The following MEFV variants were observed in gnomAD, a reference collection of about 807,000 sequenced individuals.
The protein encoded by MEFV is pyrin.
A neutral mutation model predicts 62.5 loss-of-function variants in MEFV; 60 were observed. That is an observed-to-expected ratio of 0.96 (90% CI 0.78 to 1.19). The LOEUF (loss-of-function observed/expected upper bound fraction) is 1.19, where lower values mean the gene tolerates loss of function less well. Among genes scored for constraint, MEFV ranks in the 50% most tolerant of loss-of-function variants. The pLI is 0.00. For synonymous variants in MEFV, 500 were observed against 415.2 expected (o/e 1.20, Z -2.48); for missense variants, 1,169 against 1,004.5 (o/e 1.16, Z -2.21).
Position 3,242,812 on chromosome 16 carries a change from C to T in MEFV, c.*329G>A, listed in dbSNP as rs1490813343. Reference sequence around the variant, plus strand: ...AGAACAAGGGGACATATATCCTTGCCGTGGGGTTCTGAGGGAAAATGAGGG... The same window carrying T: ...AGAACAAGGGGACATATATCCTTGCTGTGGGGTTCTGAGGGAAAATGAGGG... On this transcript the variant is annotated 3_prime_UTR_variant, in exon 10 of 10. Transcript: ENST00000219596. The T allele has an allele frequency of 1.9e-5, 8 of 411,064 alleles. No individual in the cohort carries two copies. The highest frequency in any genetic ancestry group is 7.2e-5 in the Admixed American group (2 of 27,636). 25.5% of individuals were successfully genotyped at this position (411,064 alleles called of 1,614,324 possible).
At position 3,254,334 on chromosome 16, in the gene MEFV, A is replaced by T; in HGVS notation, c.734T>A (p.Val245Asp). ...CGCCTTCTCCCCTGTAGAAATGGTG[A>T]CCTCAAGGCTTCTAGGTCGCATCTT... is the stretch of plus-strand genomic sequence containing the variant. ...SGKMRPRSLE[V>D]TISTGEKAPA... Residue 245 changes from valine to aspartate, a missense_variant, in exon 2 of 10, where the codon GTC (valine) becomes GAC (aspartate). By Grantham distance (152) the Val-to-Asp change is radical. Coordinates refer to ENST00000219596, the MANE Select transcript of MEFV (RefSeq NM_000243.3). The T allele has an allele frequency of 6.2e-7, 1 of 1,614,124 alleles. No individual in the cohort carries two copies. Among genetic ancestry groups the T allele is most frequent in the African/African-American group, 1.3e-5 (1 of 75,032 alleles).
In MEFV at chr16:3,249,540, A is replaced by G. The variant is rs139313647; in HGVS notation, c.1151T>C (p.Leu384Pro). The part of the protein sequence containing the change: ...QCKRHLKQVQ[L>P]LFCEDHDEPI... ...CTCATCGTGATCCTCACAGAAGAGC[A>G]GCTGGACCTGCTTCAGGTGGCGCTT... Residue 384 changes from leucine to proline, a missense_variant, in exon 3 of 10, where the codon CTG (leucine) becomes CCG (proline). Leu to Pro is a moderately conservative substitution (Grantham distance 98). Transcript: ENST00000219596. The G allele has an allele frequency of 6.6e-5, 107 of 1,614,098 alleles. No individual in the cohort carries two copies. The African/African-American group carries it at 1.4e-3, about 21-fold the overall frequency.
intron 3 of MEFV, 55 bp from the exon 4 acceptor site, chr16:3,249,059 T>C: frequency 3.2e-6 from 5 of 1,540,386 alleles, no homozygotes; most frequent in Non-Finnish European, 4.5e-6. Context: ...CATCTTTAGC[T>C]GGTGCCAACT....
At position 3,254,733 on chromosome 16, in the gene MEFV, T is replaced by C; in HGVS notation, c.335A>G (p.Glu112Gly). 1 of 1,612,778 alleles carries C rather than the reference T, an allele frequency of 6.2e-7. No homozygotes were observed. The highest frequency in any genetic ancestry group is 8.5e-7 in the Non-Finnish European group (1 of 1,180,002). Residue 112 changes from glutamate to glycine, a missense_variant, in exon 2 of 10, where the codon GAG becomes GGG. By Grantham distance (98) the Glu-to-Gly change is moderately conservative (BLOSUM62 -2). Transcript: ENST00000219596. ...AGTCTTCAGGCTCCTGGGCTTGTTC[T>C]CCCCCAGGGAGCTGGACGCTGCGGA... ...DDSAASSSLG[E>G]NKPRSLKTPD...
chr16:3,243,921 A>G (rs767062371), intron 8 of MEFV, 29 bp from the exon 9 acceptor site: 1 of 1,613,588 alleles, frequency 6.2e-7, no homozygotes. Context: ...TAGGGAAAAA[A>G]ATCCTGAGCA....
intron 5 of MEFV, 78 bp from the exon 6 acceptor site, chr16:3,246,625 T>TC (rs1428763860): frequency 5.8e-6 from 9 of 1,544,256 alleles, no homozygotes; most frequent in Admixed American, 5.1e-5. Flanking sequence ...ACTTCTGGGC[T>TC]CCTGGACTTT....
In MEFV at chr16:3,248,937, T is replaced by A; in HGVS notation, c.1328A>T (p.Tyr443Phe). ...LRKSGEEQRS[Y>F]GEEKAVSFLK... Reference sequence around the variant, plus strand: ...AAAGCTCACTGCCTTCTCCTCCCCATAGGATCGCTGCTCCTCCCCTGATTT... The same window carrying A: ...AAAGCTCACTGCCTTCTCCTCCCCAAAGGATCGCTGCTCCTCCCCTGATTT... The change falls in exon 4 of 10, where the codon TAT becomes TTT. Residue 443 changes from tyrosine (Y) to phenylalanine (F), a missense_variant. Physicochemically the swap from Tyr to Phe is conservative, Grantham distance 22. Coordinates refer to ENST00000219596, the MANE Select transcript of MEFV (RefSeq NM_000243.3). 1 of 1,614,178 alleles carries A rather than the reference T, an allele frequency of 6.2e-7. No individual in the cohort carries two copies. Among genetic ancestry groups the A allele is most frequent in the East Asian group, 2.2e-5 (1 of 44,888 alleles).
At chr16:3,250,973 GA>G (rs1959023265) in intron 2 of MEFV, among the ~76,000 whole-genome samples, 1 of 138,122 alleles carries the variant, frequency 7.2e-6, no homozygotes. Context: ...GCAGTGAGCT[GA>G]AGTTGCGCCA....
chr16:3,256,261 A>G (rs758600694), intron 1 of MEFV, 50 bp downstream of exon 1: 2 of 1,597,740 alleles, frequency 1.3e-6, no homozygotes, highest in South Asian at 1.1e-5. Context: ...CTTTCCCACA[A>G]AGCAGCCAGC....
Position 3,246,518 on chromosome 16 carries a change from G to A in MEFV, c.1610+7C>T, listed in dbSNP as rs773383474. ...ACCCCAGGGTACACCACAGGACCTC[G>A]CTGTACCTGTGCAAGATGTCTCCAA... On this transcript the variant is annotated splice_region_variant and intron_variant, in intron 6 of 9. Transcript: ENST00000219596. The A allele has an allele frequency of 7.4e-6, 12 of 1,614,018 alleles. No individual in the cohort carries two copies. The highest frequency in any genetic ancestry group is 1.0e-5 in the Non-Finnish European group (12 of 1,179,984).
chr16:3,244,252 A>G lies in MEFV; in HGVS notation c.1759+2T>C. ...AGCACACACCATTACCGCTGGACTCACCATTGAACATTTCCATTTCTGAAC... is the reference window on the plus strand; with the variant it reads ...AGCACACACCATTACCGCTGGACTCGCCATTGAACATTTCCATTTCTGAAC... On this transcript the variant is annotated splice_donor_variant, in intron 8 of 9. Coordinates refer to ENST00000219596, the MANE Select transcript of MEFV (RefSeq NM_000243.3). LOFTEE classifies it high-confidence loss of function. The G allele has an allele frequency of 1.2e-6, 2 of 1,614,038 alleles. No individual in the cohort carries two copies. Among genetic ancestry groups the G allele is most frequent in the Non-Finnish European group, 1.7e-6 (2 of 1,179,998 alleles).
Position 3,244,587 on chromosome 16 carries a change from C to T in MEFV, c.1612G>A (p.Ala538Thr), listed in dbSNP as rs1296818739. 6.2e-7 allele frequency: 1 copy of T among 1,612,436 alleles called. No individual in the cohort carries two copies. Among genetic ancestry groups the T allele is most frequent in the Admixed American group, 1.7e-5 (1 of 60,014 alleles). ...LQDIGDILHRAKTVPVPEKWT... is the reference protein window; with the variant it reads ...LQDIGDILHRTKTVPVPEKWT... ...TTTTCAGGGACAGGCACTGTCTTAG[C>T]CCTAGAGACAAAAGACTGTTGACCA... Residue 538 changes from alanine (A) to threonine (T), a missense_variant and splice_region_variant, in exon 7 of 10, where the codon GCT (alanine) becomes ACT (threonine). Ala to Thr is a moderately conservative substitution (Grantham distance 58). Transcript: ENST00000219596.
intron 6 of MEFV, among the ~76,000 whole-genome samples, chr16:3,245,247 C>T (rs962159925): frequency 1.3e-5 from 2 of 151,604 alleles, no homozygotes; most frequent in Admixed American, 1.3e-4. Flanking sequence ...GTGACTGTGC[C>T]ACTGCTCTCC....
At position 3,246,998 on chromosome 16, in the gene MEFV, G is replaced by A. The variant is rs11466030; in HGVS notation, c.1587+18C>T. On this transcript the variant is annotated intron_variant, in intron 5 of 9. Coordinates refer to ENST00000219596, the MANE Select transcript of MEFV (RefSeq NM_000243.3). The stretch of plus-strand genomic sequence containing the variant: ...TAGGCACAGGGGACCCAAGAAAGCC[G>A]GGCCCAGGCACACCCACCTGCAGAA... The A allele has an allele frequency of 1.5e-3, 2,434 of 1,612,596 alleles. 33 individuals are homozygous for A. The African/African-American group carries it at 0.026, about 17-fold the overall frequency.
chr16:3,244,931 A>AC (rs1491352013), intron 6 of MEFV, among the ~76,000 whole-genome samples: 143 of 151,870 alleles, frequency 9.4e-4, no homozygotes, highest in African/African-American at 3.3e-3. Flanking sequence ...ATGAAAAAAA[A>AC]ACACACACAA....
chr16:3,249,145 A>G, intron 3 of MEFV, 141 bp from the exon 4 acceptor site: 1 of 869,632 alleles, frequency 1.1e-6, no homozygotes, highest in South Asian at 1.4e-5. Context: ...GTGCTCAGGA[A>G]AGAGGAGGGA....
Position 3,246,550 on chromosome 16 carries a change from A to G in MEFV, c.1588-3T>C, listed in dbSNP as rs766597979. The G allele has an allele frequency of 1.9e-6, 3 of 1,614,094 alleles. No individual in the cohort carries two copies. The highest frequency in any genetic ancestry group is 4.5e-5 in the East Asian group (2 of 44,886). ...CTGTGCAAGATGTCTCCAATGTCCTAGGAGAAAAAAGAAGGAAACTGTCGG... is the reference window on the plus strand; with the variant it reads ...CTGTGCAAGATGTCTCCAATGTCCTGGGAGAAAAAAGAAGGAAACTGTCGG... On this transcript the variant is annotated splice_polypyrimidine_tract_variant and splice_region_variant and intron_variant, in intron 5 of 9. Coordinates refer to ENST00000219596, the MANE Select transcript of MEFV (RefSeq NM_000243.3).
chr16:3,248,750 G>A (rs949060356), intron 4 of MEFV, 159 bp downstream of exon 4: 5 of 985,232 alleles, frequency 5.1e-6, no homozygotes, highest in Admixed American at 6.1e-5. Context: ...CCCTCTACAG[G>A]GATGAGCTTA....
At chr16:3,253,658 C>T (rs956361817) in intron 2 of MEFV, among the ~76,000 whole-genome samples, 2 of 152,044 alleles carry the variant, frequency 1.3e-5, no homozygotes, top group Admixed American at 1.3e-4. Context: ...GAATTACAGG[C>T]GTGTGCCACC....
Sources: gnomAD v4.1 joint callset for allele counts (sites outside exome capture counted in the v4.1 genomes callset) on GRCh38, gnomAD v4.1.1 for gene constraint, MANE v1.5 for transcripts, NCBI Gene and HGNC (gene_info 2026-07-23, HGNC 2026-07-21) for gene names.